The following RBFOX1 variants were observed in gnomAD, a reference collection of about 807,000 sequenced individuals.
RBFOX1 encodes RNA binding protein fox-1 homolog 1.
Under a neutral mutation model 57.7 loss-of-function variants are expected in RBFOX1, and 8 were observed. That is an observed-to-expected ratio of 0.14 (90% CI 0.08 to 0.25). RBFOX1 has a LOEUF of 0.25. Ranked by LOEUF, RBFOX1 falls within the 10% of genes least tolerant of loss-of-function variation. The pLI is 1.00. For missense variants in RBFOX1, 611 were observed against 548.5 expected (o/e 1.11, Z -1.14); for synonymous variants, 326 against 222.4 (o/e 1.47, Z -4.15).
intron 2 of RBFOX1, among the ~76,000 whole-genome samples, chr16:6,547,511 T>A (rs77396947): frequency 6.6e-6 from 1 of 152,032 alleles, no homozygotes; most frequent in Non-Finnish European, 1.5e-5. Flanking sequence ...ATTGTGGTTC[T>A]TTTTTTTGTT....
rs572467328 is a variant in RBFOX1 at position 7,389,606 on chromosome 16, C to T, written c.28-128541C>T. Among the ~76,000 whole-genome samples the T allele has an allele frequency of 1.3e-3, 204 of 152,210 alleles. 1 individual carries two copies. Among genetic ancestry groups the T allele is most frequent in the Non-Finnish European group, 2.1e-3 (144 of 68,010 alleles). Reference sequence around the variant, plus strand: ...AATCCTATGGTAAGGCAAAACACTACCTAAAAACAATAATAAGCATAATTG... The same window carrying T: ...AATCCTATGGTAAGGCAAAACACTATCTAAAAACAATAATAAGCATAATTG... On this transcript the variant is annotated intron_variant, in intron 4 of 15. Transcript: ENST00000550418.
chr16:7,290,811 T>C (rs181088403), intron 4 of RBFOX1, among the ~76,000 whole-genome samples: 1 of 152,280 alleles, frequency 6.6e-6, no homozygotes, highest in East Asian at 1.9e-4. Flanking sequence ...CTGTAATGTT[T>C]AGAAGCAGAC....
chr16:5,361,441 C>G (rs578218960), intron 1 of RBFOX1, among the ~76,000 whole-genome samples: 1 of 152,248 alleles, frequency 6.6e-6, no homozygotes, highest in South Asian at 2.1e-4. Context: ...TTTTATTTCT[C>G]TTGTAAAAGA....
intron 2 of RBFOX1, among the ~76,000 whole-genome samples, chr16:5,475,160 G>C (rs998773252): frequency 3.3e-5 from 5 of 152,152 alleles, no homozygotes; most frequent in African/African-American, 1.2e-4. Context: ...AAATATATTT[G>C]CCGTAATAGA....
chr16:5,863,192 G>C (rs528948677), intron 3 of RBFOX1, among the ~76,000 whole-genome samples: 221 of 152,298 alleles, frequency 1.5e-3, no homozygotes, highest in African/African-American at 5.1e-3. Context: ...AACCCTTAAT[G>C]TCGGCCTTTG....
chr16:6,195,015 A>G (rs1204967428), intron 1 of RBFOX1, among the ~76,000 whole-genome samples: 2 of 152,168 alleles, frequency 1.3e-5, no homozygotes, highest in African/African-American at 2.4e-5. Context: ...TGAAGTCTGC[A>G]TTACTCTAGG....
At chr16:6,970,505 G>C (rs1035336360) in intron 3 of RBFOX1, among the ~76,000 whole-genome samples, 1 of 152,134 alleles carries the variant, frequency 6.6e-6, no homozygotes, top group African/African-American at 2.4e-5. Context: ...GGCATTCTAA[G>C]ATCAGAGACA....
chr16:6,259,327 A>G (rs1454951004), intron 1 of RBFOX1, among the ~76,000 whole-genome samples: 1 of 152,024 alleles, frequency 6.6e-6, no homozygotes, highest in African/African-American at 2.4e-5. Flanking sequence ...TCTCCTCTCT[A>G]GCCGTTAGGC....
chr16:5,957,059 G>A (rs901540706), intron 4 of RBFOX1, among the ~76,000 whole-genome samples: 2 of 152,066 alleles, frequency 1.3e-5, no homozygotes, highest in African/African-American at 4.8e-5. Flanking sequence ...AGTAATTGGT[G>A]AATTACTTTA....
At chr16:6,915,488 A>G (rs1186005659) in intron 3 of RBFOX1, among the ~76,000 whole-genome samples, 4 of 151,770 alleles carry the variant, frequency 2.6e-5, no homozygotes, top group South Asian at 2.1e-4. Context: ...ACTTCCTACT[A>G]TAGCCTAAAT....
At chr16:5,660,289 C>T (rs1454789880) in intron 3 of RBFOX1, among the ~76,000 whole-genome samples, 1 of 152,170 alleles carries the variant, frequency 6.6e-6, no homozygotes, top group Non-Finnish European at 1.5e-5. Flanking sequence ...CCCTAGATCC[C>T]TGTTGAGTCT....
chr16:7,172,184 A>G (rs1324312740), intron 4 of RBFOX1, among the ~76,000 whole-genome samples: 1 of 152,188 alleles, frequency 6.6e-6, no homozygotes, highest in African/African-American at 2.4e-5. Flanking sequence ...AGTGCATTGG[A>G]ATGAGCCAAT....
At chr16:7,235,542 T>C (rs549884229) in intron 4 of RBFOX1, among the ~76,000 whole-genome samples, 66 of 152,342 alleles carry the variant, frequency 4.3e-4, no homozygotes, top group African/African-American at 1.6e-3. Flanking sequence ...ATCGCTTATG[T>C]ACATTGAATG....
chr16:5,728,966 T>C (rs1596999185), intron 3 of RBFOX1, among the ~76,000 whole-genome samples: 1 of 152,206 alleles, frequency 6.6e-6, no homozygotes, highest in Non-Finnish European at 1.5e-5. Context: ...GGTTGAACTT[T>C]ACCTGCATAG....
chr16:7,006,438 C>T (rs372328179), intron 3 of RBFOX1, among the ~76,000 whole-genome samples: 1 of 152,134 alleles, frequency 6.6e-6, no homozygotes, highest in Non-Finnish European at 1.5e-5. Flanking sequence ...CAGGCTTGAG[C>T]CACTGCGCCC....
chr16:5,540,987 C>G lies in RBFOX1; in HGVS notation c.259-57915C>G, dbSNP rs374184568. ...GCCTCAGCGTCCTGAGTAGCTGGGA[C>G]TACAAACATGTGCTACCCCGCCTGG... On this transcript the variant is annotated intron_variant, in intron 2 of 2. Transcript: ENST00000585867. Among the ~76,000 whole-genome samples the G allele has an allele frequency of 4.6e-5, 7 of 152,176 alleles. No individual in the cohort carries two copies. In the East Asian group the frequency reaches 1.4e-3, roughly 30 times the overall value.
At chr16:6,025,672 G>T (rs757175491) in intron 1 of RBFOX1, among the ~76,000 whole-genome samples, 195 of 152,248 alleles carry the variant, frequency 1.3e-3, no homozygotes, top group Non-Finnish European at 2.4e-3. Flanking sequence ...TTCTCCCATT[G>T]GTAGGTGTGG....
chr16:5,383,383 C>T (rs1243307494), intron 1 of RBFOX1, among the ~76,000 whole-genome samples: 1 of 152,234 alleles, frequency 6.6e-6, no homozygotes, highest in South Asian at 2.1e-4. Context: ...CAAAACTCAT[C>T]TGGGTCTCCT....
chr16:5,476,888 G>A (rs905478121), intron 2 of RBFOX1, among the ~76,000 whole-genome samples: 1 of 152,074 alleles, frequency 6.6e-6, no homozygotes, highest in African/African-American at 2.4e-5. Flanking sequence ...AGTTCTCCCA[G>A]TTATTCAAAT....
Sources: allele counts gnomAD v4.1 joint callset (sites outside exome capture counted in the v4.1 genomes callset), GRCh38; gene constraint gnomAD v4.1.1; transcripts MANE v1.5; gene names NCBI Gene and HGNC (gene_info 2026-07-23, HGNC 2026-07-21).